The following CECR2 variants were observed in gnomAD, a reference collection of about 807,000 sequenced individuals.
CECR2 encodes CECR2 histone acetyl-lysine reader.
A neutral mutation model predicts 154.5 loss-of-function variants in CECR2; 30 were observed. That is an observed-to-expected ratio of 0.19 (90% CI 0.15 to 0.26). The LOEUF (loss-of-function observed/expected upper bound fraction) is 0.26, where lower values mean the gene tolerates loss of function less well. Ranked by LOEUF, CECR2 falls within the 10% of genes least tolerant of loss-of-function variation. The pLI is 1.00. For missense variants in CECR2, 1,743 were observed against 1,829.3 expected, an observed-to-expected ratio of 0.95 and a Z score of 0.86; for synonymous variants, 725 against 683.7, an observed-to-expected ratio of 1.06 and a Z score of -0.94.
intron 1 of CECR2, among the ~76,000 whole-genome samples, chr22:17,396,019 CA>C (rs1448820091): frequency 2.7e-5 from 4 of 150,914 alleles, no homozygotes; most frequent in African/African-American, 9.7e-5. Flanking sequence ...GTAGGTGGAT[CA>C]CTTGAGTTTA....
chr22:17,460,713 G>A (rs1221231295), intron 1 of CECR2, among the ~76,000 whole-genome samples: 3 of 152,048 alleles, frequency 2.0e-5, no homozygotes, highest in Non-Finnish European at 4.4e-5. Context: ...TGTCATCCCC[G>A]GTATCCTTAT....
chr22:17,413,518 T>C (rs748429243), intron 1 of CECR2, among the ~76,000 whole-genome samples: 2 of 152,194 alleles, frequency 1.3e-5, no homozygotes, highest in Non-Finnish European at 2.9e-5. Flanking sequence ...GCAGGGAAAA[T>C]AGGTAGAGTC....
At chr22:17,537,965 G>A (rs1278667794) in intron 10 of CECR2, among the ~76,000 whole-genome samples, 8 of 151,144 alleles carry the variant, frequency 5.3e-5, no homozygotes, top group African/African-American at 1.9e-4. Context: ...CTGCACTCCA[G>A]CCTGGGTGAC....
intron 2 of CECR2, among the ~76,000 whole-genome samples, chr22:17,491,901 A>G (rs1335750504): frequency 6.6e-6 from 1 of 152,210 alleles, no homozygotes; most frequent in Non-Finnish European, 1.5e-5. Flanking sequence ...TTTAATTTGA[A>G]ATAACCATGA....
chr22:17,536,117 G>A (rs2056433220), intron 9 of CECR2, among the ~76,000 whole-genome samples: 1 of 152,038 alleles, frequency 6.6e-6, no homozygotes, highest in South Asian at 2.1e-4. Flanking sequence ...GCGTGGTGGT[G>A]CATGCCTGTA....
upstream of CECR2, among the ~76,000 whole-genome samples, chr22:17,368,191 A>T (rs1325539516): frequency 1.3e-5 from 2 of 152,164 alleles, no homozygotes; most frequent in Non-Finnish European, 2.9e-5. Context: ...GGGAGAGTGG[A>T]GGGGTAATTA....
chr22:17,468,316 T>G (rs528150518), intron 1 of CECR2, among the ~76,000 whole-genome samples: 1 of 152,294 alleles, frequency 6.6e-6, no homozygotes, highest in African/African-American at 2.4e-5. Context: ...TTCTGTGTAA[T>G]CTGTGTCTTG....
intron 9 of CECR2, among the ~76,000 whole-genome samples, chr22:17,534,477 A>G (rs557889994): frequency 3.9e-4 from 59 of 152,210 alleles, no homozygotes; most frequent in African/African-American, 1.4e-3. Context: ...AAGGAAAGAG[A>G]GAGAACTGAC....
intron 1 of CECR2, among the ~76,000 whole-genome samples, chr22:17,381,616 CATT>C (rs1202621694): frequency 6.6e-6 from 1 of 152,134 alleles, no homozygotes; most frequent in Non-Finnish European, 1.5e-5. Flanking sequence ...TTATTGTCAT[CATT>C]ATTAATACTG....
intron 2 of CECR2, among the ~76,000 whole-genome samples, chr22:17,496,375 C>A (rs2055627825): frequency 6.6e-6 from 1 of 151,998 alleles, no homozygotes; most frequent in South Asian, 2.1e-4. Context: ...TGGTGGGCGC[C>A]TCTAGTCCCA....
At chr22:17,463,251 C>T (rs886727100) in intron 1 of CECR2, among the ~76,000 whole-genome samples, 2 of 152,036 alleles carry the variant, frequency 1.3e-5, no homozygotes, top group East Asian at 1.9e-4. Flanking sequence ...GCGATGTTAG[C>T]GTGTCAGCAG....
intron 1 of CECR2, among the ~76,000 whole-genome samples, chr22:17,391,616 C>A (rs567933778): frequency 4.9e-4 from 74 of 152,136 alleles, no homozygotes; most frequent in Non-Finnish European, 1.0e-3. Flanking sequence ...ATTATTGTTA[C>A]ATTTTCTTTC....
At chr22:17,531,490 C>T (rs1330451720) in intron 9 of CECR2, among the ~76,000 whole-genome samples, 1 of 152,290 alleles carries the variant, frequency 6.6e-6, no homozygotes, top group East Asian at 1.9e-4. Context: ...GTGCAGGATC[C>T]CAGCCCCATT....
intron 1 of CECR2, among the ~76,000 whole-genome samples, chr22:17,363,279 G>A (rs2062986202): frequency 1.3e-5 from 2 of 151,778 alleles, no homozygotes; most frequent in African/African-American, 4.8e-5. Context: ...CGCGATCACA[G>A]CTCACTGCAA....
At chr22:17,480,459 C>CACACACACACACACACACACACACAG (rs373106595) in intron 2 of CECR2, among the ~76,000 whole-genome samples, 1 of 143,740 alleles carries the variant, frequency 7.0e-6, no homozygotes, top group Non-Finnish European at 1.5e-5. Context: ...CACACACACA[C>CACACACACACACACACACACACACAG]AGAGAAAAGT....
chr22:17,543,017 T>C lies in CECR2; in HGVS notation c.2860+14T>C, dbSNP rs1323238412. 1.9e-6 allele frequency: 3 copies of C among 1,585,476 alleles called. No individual in the cohort carries two copies. The highest frequency in any genetic ancestry group is 2.6e-6 in the Non-Finnish European group (3 of 1,164,582). On this transcript the variant is annotated intron_variant, in intron 16 of 18. Transcript: ENST00000262608. ...AGAATGACCAAGGTAATTTACACTG[T>C]CACTTTGGGCTCTTTAAGCTCTTGT...
rs781954770 is a variant in CECR2, at chr22:17,404,364, C to CCTTTTTTTTTT, written c.126+34455_126+34456insCTTTTTTTTTT. Reference sequence around the variant, plus strand: ...TGTGGGTTCATTTCTGGACCCTGTTCTTTCTTTTTTTTTTTTTTTTTTTTT... The same window carrying CCTTTTTTTTTT: ...TGTGGGTTCATTTCTGGACCCTGTTCCTTTTTTTTTTTTTCTTTTTTTTTTTTTTTTTTTTT... On this transcript the variant is annotated intron_variant, in intron 1 of 18. Transcript: ENST00000262608. 4.4e-4 allele frequency among the ~76,000 whole-genome samples: 26 copies of CCTTTTTTTTTT among 59,626 alleles called. 2 individuals carry two copies. Among genetic ancestry groups the CCTTTTTTTTTT allele is most frequent in the African/African-American group, 1.8e-3 (24 of 13,314 alleles). The allele number at this position is 59,626 out of a possible 152,430, so 39.1% of individuals were successfully genotyped here.
chr22:17,455,317 G>A (rs2054836139), intron 1 of CECR2, among the ~76,000 whole-genome samples: 1 of 152,162 alleles, frequency 6.6e-6, no homozygotes, highest in Non-Finnish European at 1.5e-5. Context: ...AATAAATTTT[G>A]CTTCTAAGAG....
rs917348330 is a variant in CECR2, at chr22:17,548,235, C to T, written c.2948C>T (p.Pro983Leu). The T allele has an allele frequency of 6.3e-7, 1 of 1,598,012 alleles. No homozygotes were observed. Residue 983 changes from proline (P) to leucine (L), a missense_variant, in exon 17 of 19, where the codon CCT becomes CTT. Pro to Leu is a moderately conservative substitution (Grantham distance 98). This residue lies in a region of CECR2 where 1,250 missense variants were observed against 1,192.1 expected (regional missense o/e 1.05). Transcript: ENST00000262608. The part of the protein sequence containing the change: ...VYLTQLPHPT[P>L]PLQTDCTRQS... The stretch of plus-strand genomic sequence containing the variant: ...CTCACACAACTACCTCACCCCACAC[C>T]TCCCCTGCAGACTGACTGCACCAGG...
Sources: allele counts gnomAD v4.1 joint callset (sites outside exome capture counted in the v4.1 genomes callset), GRCh38; gene constraint gnomAD v4.1.1; regional missense constraint gnomAD v4.1.1; transcripts MANE v1.5; gene names NCBI Gene and HGNC (gene_info 2026-07-23, HGNC 2026-07-21).